Variants in CCDC171 observed in about 807,000 individuals in gnomAD.
CCDC171 encodes the protein coiled-coil domain-containing protein 171.
A neutral mutation model predicts 168.2 loss-of-function variants in CCDC171; 177 were observed. That is an observed-to-expected ratio of 1.05 (90% CI 0.93 to 1.19). The LOEUF (loss-of-function observed/expected upper bound fraction) is 1.19. CCDC171 is among the 50% of genes most tolerant of loss of function. The pLI, the probability that CCDC171 is intolerant of heterozygous loss-of-function variation, is 0.00. For missense variants in CCDC171, 1,991 were observed against 1,539.0 expected (o/e 1.29, Z -4.91); for synonymous variants, 687 against 540.8 (o/e 1.27, Z -3.75).
Position 15,575,925 on chromosome 9 carries a change from C to G in CCDC171, c.178-2924C>G, listed in dbSNP as rs150057578. ...TGGCCAACATGGCGAAACCCTGTCTCTACTAAAAATGCAAAAATTAGCTGG... is the reference window on the plus strand; with the variant it reads ...TGGCCAACATGGCGAAACCCTGTCTGTACTAAAAATGCAAAAATTAGCTGG... On this transcript the variant is annotated intron_variant, in intron 3 of 25. Transcript: ENST00000380701. Among the ~76,000 whole-genome samples, 411 of 152,164 alleles carry G rather than the reference C, an allele frequency of 2.7e-3. 13 individuals are homozygous for G. The highest frequency in any genetic ancestry group is 0.025 in the Admixed American group (382 of 15,268).
chr9:15,936,900 T>G (rs999705499), intron 25 of CCDC171, among the ~76,000 whole-genome samples: 3 of 152,144 alleles, frequency 2.0e-5, no homozygotes, highest in African/African-American at 7.2e-5. Flanking sequence ...GACAACTTTT[T>G]TTTTAGGTGG....
At chr9:16,080,412 A>G in the CCDC171 span, among the ~76,000 whole-genome samples, 1 of 152,092 alleles carries the variant, frequency 6.6e-6, no homozygotes, top group East Asian at 1.9e-4. Flanking sequence ...GTTTGCCCAT[A>G]GTTCTTTTTT....
downstream of CCDC171, among the ~76,000 whole-genome samples, chr9:16,062,606 C>G (rs578234145): frequency 1.3e-5 from 2 of 152,302 alleles, no homozygotes; most frequent in South Asian, 4.2e-4. Flanking sequence ...ATTCATTCAT[C>G]CATTCATTCA....
intron 25 of CCDC171, among the ~76,000 whole-genome samples, chr9:15,950,236 A>T (rs1828966035): frequency 7.6e-6 from 1 of 132,230 alleles, no homozygotes; most frequent in African/African-American, 2.4e-5. Flanking sequence ...CCAATCTAGC[A>T]AGGCAGGCCA....
intron 18 of CCDC171, among the ~76,000 whole-genome samples, chr9:15,766,585 A>T (rs1345094633): frequency 1.3e-5 from 2 of 152,108 alleles, no homozygotes; most frequent in African/African-American, 4.8e-5. Context: ...CATGTATTTT[A>T]AAAATGTATT....
chr9:15,854,430 T>C (rs1317809735), intron 23 of CCDC171, among the ~76,000 whole-genome samples: 1 of 151,586 alleles, frequency 6.6e-6, no homozygotes, highest in Non-Finnish European at 1.5e-5. Flanking sequence ...AGGTTAGTAG[T>C]AATGTCCTCA....
chr9:15,784,309 A>G (rs772865872), intron 20 of CCDC171, among the ~76,000 whole-genome samples, 200 bp from the exon 21 acceptor site: 26 of 152,294 alleles, frequency 1.7e-4, no homozygotes, highest in Admixed American at 4.6e-4. Flanking sequence ...GAAAATGATA[A>G]CTAAGTGTGG....
intron 18 of CCDC171, among the ~76,000 whole-genome samples, chr9:15,766,023 A>G (rs965258236): frequency 6.6e-6 from 1 of 152,188 alleles, no homozygotes; most frequent in African/African-American, 2.4e-5. Context: ...TTTCCAGTAT[A>G]ATGAAAATAA....
rs1833866107 is a variant in CCDC171, at chr9:16,057,815, A to G, written n.90-2831A>G. Among the ~76,000 whole-genome samples the G allele has an allele frequency of 2.6e-5, 4 of 152,308 alleles. 1 individual carries two copies. Among genetic ancestry groups the G allele is most frequent in the Admixed American group, 2.6e-4 (4 of 15,302 alleles). ...CCAGATGATATTCCTGGATCCACTCAGGCACAGTGGACACGGCATCAGAGA... is the reference window on the plus strand; with the variant it reads ...CCAGATGATATTCCTGGATCCACTCGGGCACAGTGGACACGGCATCAGAGA... On this transcript the variant is annotated intron_variant and non_coding_transcript_variant, in intron 1 of 1. Transcript: ENST00000478913.
upstream of CCDC171, among the ~76,000 whole-genome samples, chr9:16,038,014 T>C (rs1019691966): frequency 3.3e-5 from 5 of 152,244 alleles, no homozygotes; most frequent in Admixed American, 2.6e-4. Context: ...TATAATGAAA[T>C]TGCAAAATAC....
intron 11 of CCDC171, among the ~76,000 whole-genome samples, chr9:15,714,357 G>T (rs1050966110): frequency 5.9e-5 from 9 of 152,128 alleles, no homozygotes; most frequent in Non-Finnish European, 4.4e-5. Context: ...TGTGCCAGTT[G>T]CTGCATCTGT....
intron 18 of CCDC171, among the ~76,000 whole-genome samples, chr9:15,757,462 G>C (rs1274247547): frequency 6.6e-6 from 1 of 152,186 alleles, no homozygotes; most frequent in African/African-American, 2.4e-5. Flanking sequence ...GAGGTGACTT[G>C]GGTACTGTTA....
the CCDC171 span, among the ~76,000 whole-genome samples, chr9:16,087,849 A>G: frequency 6.6e-6 from 1 of 152,040 alleles, no homozygotes; most frequent in African/African-American, 2.4e-5. Context: ...GTCAATGGTC[A>G]TTATAGTTTG....
At chr9:15,763,810 A>G (rs1207304481) in intron 18 of CCDC171, among the ~76,000 whole-genome samples, 1 of 152,196 alleles carries the variant, frequency 6.6e-6, no homozygotes, top group Non-Finnish European at 1.5e-5. Flanking sequence ...TTCATTCATT[A>G]ACTTATTGAT....
At position 15,565,050 on chromosome 9, in the gene CCDC171, GT is replaced by G. The variant is rs2039613864; in HGVS notation, c.41+925del. Among the ~76,000 whole-genome samples, 3 of 143,702 alleles carry G rather than the reference GT, an allele frequency of 2.1e-5. No individual in the cohort carries two copies. The South Asian group carries it at 6.6e-4, about 32-fold the overall frequency. The allele number at this position is 143,702 out of a possible 152,430, so 94.3% of individuals were successfully genotyped here. A position where few individuals can be genotyped will look rare whatever the true frequency, so the allele number is the denominator to read the frequency against. ...TAACATGTAATTTACCCGTAAATTT[GT>G]TTTCCACTTAGCTTTTGAAGCTACC... On this transcript the variant is annotated intron_variant, in intron 2 of 25. Coordinates refer to ENST00000380701, the MANE Select transcript of CCDC171 (RefSeq NM_173550.4).
chr9:15,625,568 G>T (rs1410510744), intron 7 of CCDC171, among the ~76,000 whole-genome samples: 16 of 152,042 alleles, frequency 1.1e-4, no homozygotes, highest in African/African-American at 3.6e-4. Flanking sequence ...ATTTATTAAA[G>T]AGGGAGTCCT....
At chr9:15,556,025 A>T (rs1308829021) in intron 1 of CCDC171, among the ~76,000 whole-genome samples, 1 of 152,092 alleles carries the variant, frequency 6.6e-6, no homozygotes, top group Admixed American at 6.6e-5. Context: ...ATCCTTTTTT[A>T]TGGCTACATA....
intron 24 of CCDC171, among the ~76,000 whole-genome samples, chr9:15,906,890 G>C (rs1822730863): frequency 1.3e-5 from 2 of 151,882 alleles, no homozygotes; most frequent in Admixed American, 1.3e-4. Flanking sequence ...CAGACAAGCA[G>C]ACATCCAAAT....
chr9:15,605,864 A>C (rs886224142), intron 6 of CCDC171, among the ~76,000 whole-genome samples: 1 of 152,122 alleles, frequency 6.6e-6, no homozygotes, highest in African/African-American at 2.4e-5. Flanking sequence ...TTTGATGTTC[A>C]TACCTTATTC....
Sources: allele counts gnomAD v4.1 joint callset (sites outside exome capture counted in the v4.1 genomes callset), GRCh38; gene constraint gnomAD v4.1.1; transcripts MANE v1.5; gene names NCBI Gene and HGNC (gene_info 2026-07-23, HGNC 2026-07-21).